The following AGMO variants were observed in gnomAD, a reference collection of about 807,000 sequenced individuals.
AGMO encodes glyceryl-ether monooxygenase.
In AGMO, 75 loss-of-function variants were observed where a neutral mutation model predicts 60.2. The ratio of observed to expected loss-of-function variants is 1.25; its 90% CI spans 1.03 to 1.51. AGMO has a LOEUF of 1.51. Among genes scored for constraint, AGMO ranks in the 40% most tolerant of loss-of-function variants. The pLI, the probability that AGMO is intolerant of heterozygous loss-of-function variation, is 0.00. For missense variants in AGMO, 763 were observed against 525.5 expected (o/e 1.45, Z -4.42); for synonymous variants, 261 against 177.1 (o/e 1.47, Z -3.76).
chr7:15,374,098 G>A (rs1351119356), intron 10 of AGMO, among the ~76,000 whole-genome samples: 1 of 152,168 alleles, frequency 6.6e-6, no homozygotes, highest in Non-Finnish European at 1.5e-5. Context: ...GCTTCTCAGT[G>A]TTACAACATA....
In AGMO at chr7:15,351,119, G is replaced by C. The variant is rs1190673805; in HGVS notation, c.1263+14395C>G. Among the ~76,000 whole-genome samples, 4 of 152,080 alleles carry C rather than the reference G, an allele frequency of 2.6e-5. No homozygotes were observed. The East Asian group carries it at 5.8e-4, about 22-fold the overall frequency. On this transcript the variant is annotated intron_variant, in intron 12 of 12. Coordinates refer to ENST00000342526, the MANE Select transcript of AGMO (RefSeq NM_001004320.2). The stretch of plus-strand genomic sequence containing the variant: ...ATAGTTTAGGTATAGTTGATAAGAA[G>C]GTTGAATTTACTTAGTTATAGCAGG...
intron 12 of AGMO, among the ~76,000 whole-genome samples, chr7:15,322,203 C>T (rs1583405162): frequency 1.3e-5 from 2 of 150,182 alleles, no homozygotes; most frequent in East Asian, 2.0e-4. Flanking sequence ...AGATAATTTA[C>T]ATCCTTGTTA....
chr7:15,465,586 T>TA (rs1319341389), intron 3 of AGMO, among the ~76,000 whole-genome samples: 41 of 136,928 alleles, frequency 3.0e-4, no homozygotes, highest in African/African-American at 1.1e-3. Context: ...CACGTCCGGC[T>TA]AATTATATAT....
intron 12 of AGMO, among the ~76,000 whole-genome samples, chr7:15,245,292 G>C (rs1180531257): frequency 1.3e-5 from 2 of 151,990 alleles, no homozygotes; most frequent in Non-Finnish European, 1.5e-5. Flanking sequence ...CCCTTTTCTT[G>C]TTGTTGTTTT....
intron 12 of AGMO, among the ~76,000 whole-genome samples, chr7:15,210,087 G>A (rs1026647244): frequency 6.6e-6 from 1 of 152,040 alleles, no homozygotes; most frequent in Non-Finnish European, 1.5e-5. Flanking sequence ...CCTATCAACT[G>A]CTGGGAAGGA....
intron 12 of AGMO, among the ~76,000 whole-genome samples, chr7:15,286,782 G>A (rs1784112084): frequency 6.6e-6 from 1 of 152,080 alleles, no homozygotes; most frequent in African/African-American, 2.4e-5. Context: ...ATACATGTTT[G>A]TTAGAGCACA....
At chr7:15,139,418 A>T in the AGMO span, among the ~76,000 whole-genome samples, 2 of 151,904 alleles carry the variant, frequency 1.3e-5, no homozygotes, top group African/African-American at 4.8e-5. Context: ...ATACAGGTAA[A>T]CTCATGTCAT....
At chr7:15,350,557 T>G (rs1782203692) in intron 12 of AGMO, among the ~76,000 whole-genome samples, 1 of 152,238 alleles carries the variant, frequency 6.6e-6, no homozygotes, top group East Asian at 1.9e-4. Flanking sequence ...AAACTCACAT[T>G]GAGAGTCAGA....
intron 10 of AGMO, among the ~76,000 whole-genome samples, chr7:15,377,341 T>C (rs992564160): frequency 6.6e-6 from 1 of 152,066 alleles, no homozygotes; most frequent in South Asian, 2.1e-4. Flanking sequence ...TTTCAACACT[T>C]GATATTTCTC....
chr7:15,451,833 C>T (rs984624828), intron 3 of AGMO, among the ~76,000 whole-genome samples: 3 of 152,068 alleles, frequency 2.0e-5, no homozygotes, highest in Admixed American at 6.6e-5. Flanking sequence ...AGGGAAATGA[C>T]GTACAGAAAT....
At chr7:15,503,973 T>G (rs1783449405) in intron 3 of AGMO, among the ~76,000 whole-genome samples, 1 of 152,034 alleles carries the variant, frequency 6.6e-6, no homozygotes, top group Admixed American at 6.6e-5. Context: ...TTCTGCGTAA[T>G]TCTGAAAATC....
intron 3 of AGMO, among the ~76,000 whole-genome samples, chr7:15,445,631 T>C (rs1172718405): frequency 6.6e-6 from 1 of 152,202 alleles, no homozygotes; most frequent in Non-Finnish European, 1.5e-5. Context: ...AAAATATGAA[T>C]GTGATATATT....
chr7:15,422,355 C>G lies in AGMO; in HGVS notation c.514-3702G>C, dbSNP rs145298773. Among the ~76,000 whole-genome samples, 85 of 150,916 alleles carry G rather than the reference C, an allele frequency of 5.6e-4. No homozygotes were observed. In the East Asian group the frequency reaches 0.016, roughly 28 times the overall value. On this transcript the variant is annotated intron_variant, in intron 4 of 12. Coordinates refer to ENST00000342526, the MANE Select transcript of AGMO (RefSeq NM_001004320.2). ...CCAGTTGAAAGGAAGAGGGAAAATG[C>G]CAAGAGTATTTGATAGCACAAAGTC...
At chr7:15,260,946 T>TA (rs1167739233) in intron 12 of AGMO, among the ~76,000 whole-genome samples, 1 of 151,988 alleles carries the variant, frequency 6.6e-6, no homozygotes, top group East Asian at 1.9e-4. Flanking sequence ...AAGATGGAAA[T>TA]AAAAAAATTA....
chr7:15,264,173 A>G (rs1783365602), intron 12 of AGMO, among the ~76,000 whole-genome samples: 1 of 151,996 alleles, frequency 6.6e-6, no homozygotes, highest in African/African-American at 2.4e-5. Context: ...ATCTAAAATA[A>G]TGACCAATTA....
chr7:15,470,629 C>G (rs888397972), intron 3 of AGMO, among the ~76,000 whole-genome samples: 42 of 152,004 alleles, frequency 2.8e-4, no homozygotes, highest in African/African-American at 1.0e-3. Context: ...CCTTACAATG[C>G]TGAAATTAAA....
chr7:15,531,341 T>C (rs1322112930), intron 3 of AGMO, among the ~76,000 whole-genome samples: 2 of 98,832 alleles, frequency 2.0e-5, no homozygotes, highest in Non-Finnish European at 3.5e-5. Flanking sequence ...ATATTCTATA[T>C]ATATTCTATA....
chr7:15,178,534 A>T, the AGMO span, among the ~76,000 whole-genome samples: 1 of 151,746 alleles, frequency 6.6e-6, no homozygotes, highest in Non-Finnish European at 1.5e-5. Flanking sequence ...ATCAGTGTTT[A>T]TCTTTTGTTT....
intron 12 of AGMO, among the ~76,000 whole-genome samples, chr7:15,319,561 T>C (rs923753446): frequency 6.6e-6 from 1 of 152,104 alleles, no homozygotes; most frequent in African/African-American, 2.4e-5. Flanking sequence ...GTTACCTGAA[T>C]TGCTAGAAAT....
Sources: allele counts gnomAD v4.1 joint callset (sites outside exome capture counted in the v4.1 genomes callset), GRCh38; gene constraint gnomAD v4.1.1; transcripts MANE v1.5; gene names NCBI Gene and HGNC (gene_info 2026-07-23, HGNC 2026-07-21).